EDA: variants seen among roughly 807,000 people sequenced by gnomAD.
EDA encodes ectodysplasin A, also known as ectodysplasin-A.
A neutral mutation model predicts 23.6 loss-of-function variants in EDA; 2 were observed. That is an observed-to-expected ratio of 0.08 (90% CI 0.03 to 0.27). The LOEUF (loss-of-function observed/expected upper bound fraction) is 0.27. Among genes scored for constraint, EDA ranks in the 10% least tolerant of loss-of-function variants. EDA has a pLI of 1.00. For missense variants in EDA, 229 were observed against 324.2 expected (o/e 0.71, Z 2.26); for synonymous variants, 131 against 132.0 (o/e 0.99, Z 0.05).
chrX:69,786,249 A>G (rs1468561652), intron 1 of EDA, among the ~76,000 whole-genome samples: 2 of 110,987 alleles, frequency 1.8e-5, no homozygotes, highest in African/African-American at 6.6e-5. Context: ...CAGCGCCTGG[A>G]TTCATTAAGT....
chrX:69,782,081 C>T (rs1432937057), intron 1 of EDA, among the ~76,000 whole-genome samples: 1 of 109,734 alleles, frequency 9.1e-6, no homozygotes, highest in Admixed American at 9.9e-5. Context: ...GCAATGCTCA[C>T]TTTGTTCCCA....
At chrX:69,928,873 G>A (rs2018557802) in intron 1 of EDA, among the ~76,000 whole-genome samples, 1 of 111,458 alleles carries the variant, frequency 9.0e-6, no homozygotes, top group Middle Eastern at 4.2e-3. Context: ...AAAAGTTTGG[G>A]TAGCCTACTA....
chrX:69,904,455 A>G (rs1327335937), intron 1 of EDA, among the ~76,000 whole-genome samples: 5 of 110,234 alleles, frequency 4.5e-5, no homozygotes, highest in African/African-American at 9.9e-5. Flanking sequence ...GGCTCAAGCA[A>G]TCCTCCTACC....
At chrX:69,626,665 A>G (rs182539476) in intron 1 of EDA, among the ~76,000 whole-genome samples, 211 of 111,532 alleles carry the variant, frequency 1.9e-3, no homozygotes, top group Non-Finnish European at 3.3e-3. Flanking sequence ...TTAACTGAAT[A>G]TGGGCATAAG....
At chrX:69,732,407 A>C (rs1040603875) in intron 1 of EDA, among the ~76,000 whole-genome samples, 7 of 111,808 alleles carry the variant, frequency 6.3e-5, no homozygotes, top group Non-Finnish European at 7.5e-5. Flanking sequence ...AGCTTCATCC[A>C]TGTCCCTACA....
intron 1 of EDA, among the ~76,000 whole-genome samples, chrX:69,752,564 T>A (rs760509890): frequency 6.8e-4 from 76 of 111,857 alleles, no homozygotes; most frequent in Non-Finnish European, 1.2e-3. Context: ...TCTGCCAGGC[T>A]TTGGTATCAG....
intron 1 of EDA, among the ~76,000 whole-genome samples, chrX:69,787,468 C>T (rs1389732842): frequency 9.6e-6 from 1 of 103,974 alleles, no homozygotes; most frequent in Non-Finnish European, 2.0e-5. Context: ...CCTTCAGTAG[C>T]TCTTTTAGGG....
chrX:69,643,073 A>G (rs1932858524), intron 1 of EDA, among the ~76,000 whole-genome samples: 1 of 111,568 alleles, frequency 9.0e-6, no homozygotes, highest in Non-Finnish European at 1.9e-5. Context: ...CAAGGAATGT[A>G]ATATAAGCCC....
At chrX:69,669,547 C>G (rs898239875) in intron 1 of EDA, among the ~76,000 whole-genome samples, 5 of 112,026 alleles carry the variant, frequency 4.5e-5, no homozygotes, top group Admixed American at 3.8e-4. Context: ...AGAAACTAGA[C>G]TTTTACCTTC....
At chrX:69,916,651 C>T (rs1333770433) in intron 1 of EDA, among the ~76,000 whole-genome samples, 3 of 109,875 alleles carry the variant, frequency 2.7e-5, no homozygotes, top group Non-Finnish European at 5.7e-5. Context: ...GTGATCCACC[C>T]GCCTCGGCCT....
At chrX:69,652,592 G>A (rs1416928890) in intron 1 of EDA, among the ~76,000 whole-genome samples, 1 of 111,586 alleles carries the variant, frequency 9.0e-6, no homozygotes, top group African/African-American at 3.3e-5. Context: ...ACAGAAAGTA[G>A]CTTTACTGTT....
intron 1 of EDA, among the ~76,000 whole-genome samples, chrX:69,719,756 CT>C (rs1287499879): frequency 1.7e-4 from 17 of 102,468 alleles, no homozygotes; most frequent in Admixed American, 2.1e-4. Flanking sequence ...CATTTTCTTT[CT>C]TTTTTTTTTT....
intron 2 of EDA, among the ~76,000 whole-genome samples, chrX:69,978,512 AAAAAAAAAG>A (rs1468366431): frequency 3.9e-5 from 4 of 102,886 alleles, no homozygotes; most frequent in African/African-American, 1.0e-4. Context: ...CAAAAAAAAA[AAAAAAAAAG>A]AAAGAAAGAA....
intron 1 of EDA, among the ~76,000 whole-genome samples, chrX:69,768,822 T>A (rs2014545621): frequency 8.9e-6 from 1 of 111,798 alleles, no homozygotes; most frequent in Non-Finnish European, 1.9e-5. Context: ...TGTTCTTTCC[T>A]AACGTAGGCA....
intron 1 of EDA, among the ~76,000 whole-genome samples, chrX:69,668,585 A>G (rs1042060038): frequency 9.0e-6 from 1 of 110,625 alleles, no homozygotes; most frequent in Non-Finnish European, 1.9e-5. Context: ...GTTCCCTACT[A>G]TTTTTTTTGG....
chrX:69,636,582 A>G (rs1161422407), intron 1 of EDA, among the ~76,000 whole-genome samples: 1 of 108,347 alleles, frequency 9.2e-6, no homozygotes, highest in Non-Finnish European at 1.9e-5. Context: ...CTATGTCCAC[A>G]ATGCCTAGAA....
chrX:69,769,145 C>T (rs1328079426), intron 1 of EDA, among the ~76,000 whole-genome samples: 2 of 111,309 alleles, frequency 1.8e-5, no homozygotes, highest in Admixed American at 9.6e-5. Flanking sequence ...GTTGTGTACT[C>T]GTCAATGCTG....
intron 1 of EDA, among the ~76,000 whole-genome samples, chrX:69,710,679 T>G (rs894170106): frequency 9.8e-5 from 11 of 111,851 alleles, no homozygotes; most frequent in African/African-American, 3.2e-5. Context: ...AGCAGTGGCT[T>G]GTAGTTCTCC....
intron 1 of EDA, among the ~76,000 whole-genome samples, chrX:69,945,302 G>A (rs1179718374): frequency 9.0e-6 from 1 of 111,645 alleles, no homozygotes; most frequent in Non-Finnish European, 1.9e-5. Flanking sequence ...CATTTTAATG[G>A]GATCTTGGGA....
Sources: allele counts gnomAD v4.1 joint callset (sites outside exome capture counted in the v4.1 genomes callset), GRCh38; gene constraint gnomAD v4.1.1; transcripts MANE v1.5; gene names NCBI Gene and HGNC (gene_info 2026-07-23, HGNC 2026-07-21).